DMXL2: variants seen among roughly 807,000 people sequenced by gnomAD.
DMXL2 encodes dmX-like protein 2.
In DMXL2, 103 loss-of-function variants were observed where a neutral mutation model predicts 331.1. The ratio of observed to expected loss-of-function variants is 0.31; its 90% confidence interval spans 0.27 to 0.37. DMXL2 has a LOEUF of 0.37. Among genes scored for constraint, DMXL2 ranks in the 10% least tolerant of loss-of-function variants. The pLI is 1.00. For missense variants in DMXL2, 3,171 were observed against 3,642.9 expected, an observed-to-expected ratio of 0.87 and a Z score of 3.33; for synonymous variants, 1,281 against 1,252.1, an observed-to-expected ratio of 1.02 and a Z score of -0.49.
intron 6 of DMXL2, among the ~76,000 whole-genome samples, chr15:51,553,213 C>A (rs2049330822): frequency 6.6e-6 from 1 of 152,116 alleles, no homozygotes; most frequent in Admixed American, 6.5e-5. Flanking sequence ...AAAGCCTTGT[C>A]TATCATCTTC....
intron 40 of DMXL2, among the ~76,000 whole-genome samples, chr15:51,454,374 T>C (rs2039429471): frequency 1.3e-5 from 2 of 151,740 alleles, no homozygotes; most frequent in Admixed American, 1.3e-4. Context: ...CAGGTAAAGA[T>C]CTACTTATCT....
At chr15:51,464,142 C>T (rs888792384) in intron 32 of DMXL2, among the ~76,000 whole-genome samples, 1 of 152,208 alleles carries the variant, frequency 6.6e-6, no homozygotes, top group Non-Finnish European at 1.5e-5. Flanking sequence ...GTGGCACATG[C>T]CTGTAATCCC....
intron 25 of DMXL2, among the ~76,000 whole-genome samples, chr15:51,478,833 T>C (rs928337565): frequency 2.0e-5 from 3 of 152,172 alleles, no homozygotes; most frequent in Admixed American, 2.0e-4. Context: ...AAACAGCAGA[T>C]TTTCCAGAAA....
At chr15:51,613,196 G>C (rs1160290262) in intron 1 of DMXL2, among the ~76,000 whole-genome samples, 1 of 152,164 alleles carries the variant, frequency 6.6e-6, no homozygotes, top group East Asian at 1.9e-4. Flanking sequence ...TTACGAAGAT[G>C]ACGGGATTAA....
intron 15 of DMXL2, 129 bp from the exon 16 acceptor site, chr15:51,507,382 G>A (rs1567044220): frequency 9.5e-6 from 8 of 845,924 alleles, no homozygotes; most frequent in Non-Finnish European, 8.7e-6. Context: ...AAGACTTTAA[G>A]GAGGAGTTTT....
intron 1 of DMXL2, among the ~76,000 whole-genome samples, chr15:51,621,804 C>T (rs1196137352): frequency 6.6e-6 from 1 of 151,160 alleles, no homozygotes; most frequent in Non-Finnish European, 1.5e-5. Context: ...CAAACTACGA[C>T]CTCCTGATAA....
rs765925991 is a variant in DMXL2, at chr15:51,514,478, T to C, written c.2608A>G (p.Lys870Glu). The C allele has an allele frequency of 4.4e-6, 7 of 1,585,680 alleles. No individual in the cohort carries two copies. The highest frequency in any genetic ancestry group is 1.7e-4 in the Middle Eastern group (1 of 6,010). The change falls in exon 15 of 44, where the codon AAA becomes GAA. Residue 870 changes from lysine (K) to glutamate (E), a missense_variant. Lys to Glu is a moderately conservative substitution (Grantham distance 56). Coordinates refer to ENST00000560891, the MANE Select transcript of DMXL2 (RefSeq NM_001378457.1). ...GYKPHKEDME[K>E]KETEIFFQPS... ...TGAAAAAATATTTCTGTTTCCTTTT[T>C]CTCCATATCTTCCTTATGTGGTTTA...
At chr15:51,522,086 T>C (rs1008985588) in intron 13 of DMXL2, among the ~76,000 whole-genome samples, 3 of 152,142 alleles carry the variant, frequency 2.0e-5, no homozygotes, top group African/African-American at 7.2e-5. Context: ...ATCTCACCAA[T>C]CTAGATATTC....
At chr15:51,511,960 A>C (rs1165526361) in intron 15 of DMXL2, among the ~76,000 whole-genome samples, 1 of 152,170 alleles carries the variant, frequency 6.6e-6, no homozygotes, top group East Asian at 1.9e-4. Flanking sequence ...CAAACACTGC[A>C]TGTTCTCACT....
chr15:51,522,814 T>G (rs548640800), intron 13 of DMXL2, among the ~76,000 whole-genome samples: 1 of 152,320 alleles, frequency 6.6e-6, no homozygotes, highest in East Asian at 1.9e-4. Flanking sequence ...TCCTCTGTTT[T>G]CATATCCATA....
intron 23 of DMXL2, among the ~76,000 whole-genome samples, chr15:51,485,518 C>CT (rs1187743628): frequency 2.0e-5 from 3 of 152,188 alleles, no homozygotes; most frequent in Non-Finnish European, 2.9e-5. Context: ...GTGCATCTTA[C>CT]TTTTTTTCAC....
At position 51,499,701 on chromosome 15, in the gene DMXL2, A is replaced by T; in HGVS notation, c.3523T>A (p.Ser1175Thr). The T allele has an allele frequency of 6.2e-7, 1 of 1,614,064 alleles. No individual in the cohort carries two copies. Among genetic ancestry groups the T allele is most frequent in the South Asian group, 1.1e-5 (1 of 91,064 alleles). ...IKHLVHLDWV[S>T]KEDGSHILTV... Reference sequence around the variant, plus strand: ...AGAATGTGGGAGCCATCTTCTTTTGATACCCAGTCCAAATGTACTAAATGT... The same window carrying T: ...AGAATGTGGGAGCCATCTTCTTTTGTTACCCAGTCCAAATGTACTAAATGT... Residue 1175 changes from serine to threonine, a missense_variant, in exon 18 of 44, where the codon TCA (serine) becomes ACA (threonine). Physicochemically the swap from Ser to Thr is moderately conservative, Grantham distance 58. Transcript: ENST00000560891.
chr15:51,523,253 T>G (rs896607318), intron 13 of DMXL2, among the ~76,000 whole-genome samples: 1 of 152,168 alleles, frequency 6.6e-6, no homozygotes, highest in Non-Finnish European at 1.5e-5. Flanking sequence ...CAGAAAGTAG[T>G]CATGTCATCT....
In DMXL2 at chr15:51,535,545, C is replaced by G. The variant is rs563646548; in HGVS notation, c.2436+118G>C. ...AAATGTGTCATATATATGTCATATG[C>G]AGCCCAGAACATATACTTACTCCCT... On this transcript the variant is annotated intron_variant, in intron 13 of 43. Coordinates refer to ENST00000560891, the MANE Select transcript of DMXL2 (RefSeq NM_001378457.1). The G allele has an allele frequency of 1.5e-5, 13 of 853,440 alleles. No individual in the cohort carries two copies. In the South Asian group the frequency reaches 3.6e-4, roughly 24 times the overall value. The allele number at this position is 853,440 out of a possible 1,614,324, so 52.9% of individuals were successfully genotyped here.
chr15:51,453,150 G>A (rs1463464034), intron 41 of DMXL2: 1 of 178,048 alleles, frequency 5.6e-6, no homozygotes, highest in Admixed American at 6.1e-5. Flanking sequence ...CTGCTCAGGT[G>A]ATGGGTGCAC....
chr15:51,616,935 T>TAAAA (rs34051640), intron 1 of DMXL2, among the ~76,000 whole-genome samples: 18 of 81,222 alleles, frequency 2.2e-4, no homozygotes, highest in South Asian at 1.1e-3. Context: ...AGACTCCATC[T>TAAAA]AAAAAAAAAA....
intron 6 of DMXL2, among the ~76,000 whole-genome samples, chr15:51,555,481 G>A (rs1038959629): frequency 3.3e-5 from 5 of 152,102 alleles, no homozygotes; most frequent in African/African-American, 7.2e-5. Context: ...AAGACTAGAA[G>A]AGCCCTGGGC....
At chr15:51,495,514 A>G (rs539278348) in intron 18 of DMXL2, among the ~76,000 whole-genome samples, 2 of 152,340 alleles carry the variant, frequency 1.3e-5, no homozygotes, top group African/African-American at 2.4e-5. Context: ...TGGAAATTAC[A>G]TAACTGATGT....
chr15:51,477,237 C>T lies in DMXL2; in HGVS notation c.6834-518G>A, dbSNP rs563930382. Among the ~76,000 whole-genome samples the T allele has an allele frequency of 9.8e-4, 149 of 152,110 alleles. 2 individuals carry two copies. The highest frequency in any genetic ancestry group is 3.4e-3 in the African/African-American group (143 of 41,540). On this transcript the variant is annotated intron_variant, in intron 26 of 43. Coordinates refer to ENST00000560891, the MANE Select transcript of DMXL2 (RefSeq NM_001378457.1). Reference sequence around the variant, plus strand: ...AAATATTATTTAATAATATTTACTTCCCTCTCTATAATGGCTATCTTTGTG... The same window carrying T: ...AAATATTATTTAATAATATTTACTTTCCTCTCTATAATGGCTATCTTTGTG...
Sources: allele counts gnomAD v4.1 joint callset (sites outside exome capture counted in the v4.1 genomes callset), GRCh38; gene constraint gnomAD v4.1.1; transcripts MANE v1.5; gene names NCBI Gene and HGNC (gene_info 2026-07-23, HGNC 2026-07-21).